HLTF: variants seen among roughly 807,000 people sequenced by gnomAD.
HLTF encodes DNA-dependent ATPase/E3 ubiquitin-protein ligase HLTF.
HLTF carries 127 observed loss-of-function variants against 129.4 expected under a neutral mutation model. The ratio of observed to expected loss-of-function variants is 0.98; its 90% CI spans 0.85 to 1.14. The LOEUF (loss-of-function observed/expected upper bound fraction) is 1.14, where lower values mean the gene tolerates loss of function less well. Among genes scored for constraint, HLTF ranks in the 50% most tolerant of loss-of-function variants. HLTF has a pLI of 0.00. For synonymous variants in HLTF, 332 were observed against 388.8 expected (o/e 0.85, Z 1.72); for missense variants, 1,139 against 1,187.1 (o/e 0.96, Z 0.60).
chr3:149,082,596 C>G (rs1352790391), intron 2 of HLTF, among the ~76,000 whole-genome samples: 1 of 152,140 alleles, frequency 6.6e-6, no homozygotes, highest in Non-Finnish European at 1.5e-5. Context: ...TAGTAGTTAT[C>G]AGGTATACAT....
chr3:149,068,798 T>C (rs1407105709), intron 7 of HLTF, among the ~76,000 whole-genome samples: 1 of 152,222 alleles, frequency 6.6e-6, no homozygotes, highest in Non-Finnish European at 1.5e-5. Context: ...ATATTTCTTA[T>C]GCATTTTTCT....
At chr3:149,048,814 G>A (rs1379917284) in intron 16 of HLTF, 49 bp downstream of exon 16, 1 of 1,429,188 alleles carries the variant, frequency 7.0e-7, no homozygotes, top group Non-Finnish European at 9.8e-7. Flanking sequence ...CTTACATAAT[G>A]ATATATTTTA....
intron 5 of HLTF, 56 bp from the exon 6 acceptor site, chr3:149,071,713 G>T: frequency 9.4e-7 from 1 of 1,062,950 alleles, no homozygotes; most frequent in Non-Finnish European, 1.4e-6. Context: ...AATAATACTT[G>T]CATTTAAGTC....
At chr3:149,037,298 G>A (rs566227880) in intron 23 of HLTF, among the ~76,000 whole-genome samples, 11 of 151,694 alleles carry the variant, frequency 7.3e-5, no homozygotes, top group East Asian at 3.9e-4. Flanking sequence ...GTAAAACCCC[G>A]TCTCTACTAA....
At chr3:149,083,198 C>T (rs1219906461) in intron 2 of HLTF, among the ~76,000 whole-genome samples, 1 of 151,966 alleles carries the variant, frequency 6.6e-6, no homozygotes, top group Non-Finnish European at 1.5e-5. Flanking sequence ...TTGCAGTGAG[C>T]CAAGATTGCA....
chr3:149,044,397 C>G (rs1057028271), intron 18 of HLTF, among the ~76,000 whole-genome samples: 7 of 152,120 alleles, frequency 4.6e-5, no homozygotes, highest in African/African-American at 1.7e-4. Context: ...CTTACTGATA[C>G]TCAGCATTTC....
At chr3:149,064,223 G>A (rs570745471) in intron 9 of HLTF, among the ~76,000 whole-genome samples, 20 of 151,904 alleles carry the variant, frequency 1.3e-4, no homozygotes, top group African/African-American at 4.6e-4. Context: ...ACCCTAACTC[G>A]CCACCTTTCT....
intron 17 of HLTF, among the ~76,000 whole-genome samples, chr3:149,047,467 C>T (rs1312917740): frequency 6.6e-6 from 1 of 152,082 alleles, no homozygotes; most frequent in East Asian, 1.9e-4. Context: ...CATGGCGAAA[C>T]CCCATCTCTA....
Position 149,036,297 on chromosome 3 carries a change from G to GTTTTTTTTTTTTTTTT in HLTF, c.2797-1300_2797-1299insAAAAAAAAAAAAAAAA, listed in dbSNP as rs71135656. On this transcript the variant is annotated intron_variant, in intron 23 of 24. Transcript: ENST00000310053. ...TTAAATTTTAAATTAAAACTATGAG[G>GTTTTTTTTTTTTTTTT]TTTTTTTTTTGAGATGGAGTCTCGC... Among the ~76,000 whole-genome samples, 22 of 107,976 alleles carry GTTTTTTTTTTTTTTTT rather than the reference G, an allele frequency of 2.0e-4. 1 individual carries two copies. Among genetic ancestry groups the GTTTTTTTTTTTTTTTT allele is most frequent in the African/African-American group, 3.0e-4 (8 of 26,262 alleles). 70.8% of individuals were successfully genotyped at this position (107,976 alleles called of 152,430 possible). A position where few individuals can be genotyped will look rare whatever the true frequency, so the allele number is the denominator to read the frequency against.
At position 149,031,038 on chromosome 3, in the gene HLTF, C is replaced by T. The variant is rs1017457795; in HGVS notation, c.*1182G>A. ...TTAATCTTTCTTTGGATTAAAGTTTCCCTTTGAAATAAAACCACCTACCTA... is the reference window on the plus strand; with the variant it reads ...TTAATCTTTCTTTGGATTAAAGTTTTCCTTTGAAATAAAACCACCTACCTA... On this transcript the variant is annotated 3_prime_UTR_variant, in exon 25 of 25. Transcript: ENST00000310053. 2.6e-5 allele frequency: 4 copies of T among 152,048 alleles called. No homozygotes were observed. The highest frequency in any genetic ancestry group is 2.6e-4 in the Admixed American group (4 of 15,256). 9.4% of individuals were successfully genotyped at this position (152,048 alleles called of 1,614,324 possible). A position where few individuals can be genotyped will look rare whatever the true frequency, so the allele number is the denominator to read the frequency against.
intron 2 of HLTF, among the ~76,000 whole-genome samples, chr3:149,078,610 C>G (rs1042513673): frequency 6.6e-6 from 1 of 152,046 alleles, no homozygotes; most frequent in African/African-American, 2.4e-5. Flanking sequence ...GTAATCCCAG[C>G]ACTTTGGGAG....
At chr3:149,067,235 T>C (rs771071475) in intron 8 of HLTF, among the ~76,000 whole-genome samples, 4 of 151,640 alleles carry the variant, frequency 2.6e-5, no homozygotes, top group Non-Finnish European at 4.4e-5. Flanking sequence ...GTCACCCTTA[T>C]TCTCATCACT....
intron 8 of HLTF, among the ~76,000 whole-genome samples, chr3:149,067,306 A>C (rs1304494186): frequency 2.6e-5 from 4 of 152,072 alleles, no homozygotes; most frequent in Non-Finnish European, 4.4e-5. Context: ...CTTAAAACAC[A>C]CATGAATATA....
chr3:149,069,523 A>C (rs1311018153), intron 7 of HLTF, among the ~76,000 whole-genome samples: 1 of 152,078 alleles, frequency 6.6e-6, no homozygotes, highest in Non-Finnish European at 1.5e-5. Flanking sequence ...GTACACATTA[A>C]TTTTATTAAG....
chr3:149,054,565 C>A (rs1371012743), intron 14 of HLTF, among the ~76,000 whole-genome samples: 4 of 152,038 alleles, frequency 2.6e-5, no homozygotes, highest in Admixed American at 2.0e-4. Context: ...CCAAGAGAGT[C>A]ATTATTTCAT....
At chr3:149,079,602 T>C (rs980011410) in intron 2 of HLTF, among the ~76,000 whole-genome samples, 16 of 152,070 alleles carry the variant, frequency 1.1e-4, no homozygotes, top group African/African-American at 3.9e-4. Context: ...TTTTCTTTGT[T>C]GTTGTTTTTT....
chr3:149,036,092 G>A (rs1474311728), intron 23 of HLTF, among the ~76,000 whole-genome samples: 2 of 151,240 alleles, frequency 1.3e-5, no homozygotes, highest in Non-Finnish European at 2.9e-5. Context: ...CCGAGATCGC[G>A]CCACTGCACT....
At chr3:149,044,490 C>T (rs1284405102) in intron 18 of HLTF, among the ~76,000 whole-genome samples, 1 of 152,110 alleles carries the variant, frequency 6.6e-6, no homozygotes, top group Non-Finnish European at 1.5e-5. Context: ...CCATTGCTAT[C>T]TTCACAGTTA....
At chr3:149,070,339 A>G (rs1718741720) in intron 7 of HLTF, among the ~76,000 whole-genome samples, 1 of 152,248 alleles carries the variant, frequency 6.6e-6, no homozygotes, top group South Asian at 2.1e-4. Flanking sequence ...TTCAGCTGCC[A>G]TCTATTCGGC....
Sources: gnomAD v4.1 joint callset for allele counts (sites outside exome capture counted in the v4.1 genomes callset) on GRCh38, gnomAD v4.1.1 for gene constraint, MANE v1.5 for transcripts, NCBI Gene and HGNC (gene_info 2026-07-23, HGNC 2026-07-21) for gene names.